TMEM50B: variants seen among roughly 807,000 people sequenced by gnomAD.
TMEM50B encodes the protein HCV p7-trans-regulated protein 3.
Under a neutral mutation model 23.4 loss-of-function variants are expected in TMEM50B, and 14 were observed. That is an observed-to-expected ratio of 0.60 (90% CI 0.39 to 0.93). TMEM50B has a LOEUF of 0.93. TMEM50B is among the 40% of genes least tolerant of loss of function. The pLI, the probability that TMEM50B is intolerant of heterozygous loss-of-function variation, is 0.00. For synonymous variants in TMEM50B, 64 were observed against 62.3 expected, an observed-to-expected ratio of 1.03 and a Z score of -0.13; for missense variants, 159 against 193.0, an observed-to-expected ratio of 0.82 and a Z score of 1.04.
At chr21:33,476,710 G>A (rs1455145190) in intron 1 of TMEM50B, among the ~76,000 whole-genome samples, 16 of 126,910 alleles carry the variant, frequency 1.3e-4, no homozygotes, top group East Asian at 2.7e-4. Flanking sequence ...GCAGTGAGCC[G>A]AGATCGCACC....
intron 6 of TMEM50B, among the ~76,000 whole-genome samples, chr21:33,452,765 C>A (rs774183156): frequency 1.3e-5 from 2 of 152,066 alleles, no homozygotes; most frequent in African/African-American, 2.4e-5. Flanking sequence ...AAATTGTATG[C>A]AAAGCACCAA....
chr21:33,464,819 AAAAAAC>A (rs1269694829), intron 4 of TMEM50B, among the ~76,000 whole-genome samples: 137 of 111,628 alleles, frequency 1.2e-3, no homozygotes, highest in African/African-American at 4.6e-3. Flanking sequence ...AAAAAAAAAA[AAAAAAC>A]AAAAATTGGA....
chr21:33,453,102 G>A lies in TMEM50B; in HGVS notation c.432-2239C>T, dbSNP rs192377609. ...AGAGAGATTAATTTTATTTATTTATGTATTTATTTATTTTGAGATGAAGTC... is the reference window on the plus strand; with the variant it reads ...AGAGAGATTAATTTTATTTATTTATATATTTATTTATTTTGAGATGAAGTC... On this transcript the variant is annotated intron_variant, in intron 6 of 6. Coordinates refer to ENST00000542230, the MANE Select transcript of TMEM50B (RefSeq NM_006134.7). Among the ~76,000 whole-genome samples, 6 of 152,168 alleles carry A rather than the reference G, an allele frequency of 3.9e-5. No homozygotes were observed. The East Asian group carries it at 1.2e-3, about 29-fold the overall frequency.
intron 8 of TMEM50B, among the ~76,000 whole-genome samples, chr21:33,436,655 G>C (rs982662107): frequency 2.6e-5 from 4 of 151,890 alleles, no homozygotes; most frequent in Admixed American, 6.6e-5. Flanking sequence ...CTGGGAAGCA[G>C]AGGTTGCAGT....
chr21:33,467,395 G>T (rs1364524354), intron 2 of TMEM50B, among the ~76,000 whole-genome samples: 3 of 152,150 alleles, frequency 2.0e-5, no homozygotes. Flanking sequence ...AGGCCAACAC[G>T]CGCAAATCAC....
At chr21:33,458,626 G>A (rs1358297919) in intron 5 of TMEM50B, among the ~76,000 whole-genome samples, 1 of 152,166 alleles carries the variant, frequency 6.6e-6, no homozygotes, top group African/African-American at 2.4e-5. Flanking sequence ...CTGCTAATGG[G>A]TATGGCAGTG....
At chr21:33,474,651 T>C (rs570006933) in intron 1 of TMEM50B, among the ~76,000 whole-genome samples, 2 of 143,374 alleles carry the variant, frequency 1.4e-5, no homozygotes, top group East Asian at 4.3e-4. Flanking sequence ...GGTGGATGCC[T>C]GTAATCCCAC....
At chr21:33,457,381 G>A (rs189234430) in intron 5 of TMEM50B, among the ~76,000 whole-genome samples, 9 of 152,188 alleles carry the variant, frequency 5.9e-5, no homozygotes, top group East Asian at 1.9e-4. Context: ...TGGGAGCGGT[G>A]GTTCATGCCT....
At chr21:33,476,505 T>C (rs1477333817) in intron 1 of TMEM50B, among the ~76,000 whole-genome samples, 3 of 152,172 alleles carry the variant, frequency 2.0e-5, no homozygotes, top group African/African-American at 4.8e-5. Context: ...CTCACACCTG[T>C]AATCCCTGCA....
At chr21:33,470,461 G>A (rs2084303948) in intron 1 of TMEM50B, among the ~76,000 whole-genome samples, 2 of 149,766 alleles carry the variant, frequency 1.3e-5, no homozygotes, top group Admixed American at 6.7e-5. Flanking sequence ...GCTAGGCTCG[G>A]TGGCTTACGC....
chr21:33,442,211 G>A (rs1192244990), intron 7 of TMEM50B, among the ~76,000 whole-genome samples: 2 of 152,066 alleles, frequency 1.3e-5, no homozygotes, highest in East Asian at 3.9e-4. Flanking sequence ...AGCAGCTTCC[G>A]GAGATGCAGT....
In TMEM50B at chr21:33,460,531, T is replaced by C. The variant is rs575086771; in HGVS notation, c.281-26A>G. 6 of 1,475,834 alleles carry C rather than the reference T, an allele frequency of 4.1e-6. No homozygotes were observed. The South Asian group carries it at 7.4e-5, about 18-fold the overall frequency. The allele number at this position is 1,475,834 out of a possible 1,614,324, so 91.4% of individuals were successfully genotyped here. A position where few individuals can be genotyped will look rare whatever the true frequency, so the allele number is the denominator to read the frequency against. The stretch of plus-strand genomic sequence containing the variant: ...CTGTGTAGAGAAGAGGCTTTATGAT[T>C]TTGTTCATTTTTGCAGCTCTGTAAC... On this transcript the variant is annotated intron_variant, in intron 4 of 6. Transcript: ENST00000542230.
intron 3 of TMEM50B, among the ~76,000 whole-genome samples, chr21:33,466,342 A>T (rs1010838149): frequency 5.9e-5 from 9 of 152,246 alleles, no homozygotes; most frequent in South Asian, 2.1e-4. Flanking sequence ...AAAGACATCC[A>T]TAAAAAGCTT....
intron 2 of TMEM50B, among the ~76,000 whole-genome samples, chr21:33,468,135 T>G (rs2084281473): frequency 7.0e-6 from 1 of 142,720 alleles, no homozygotes; most frequent in Non-Finnish European, 1.6e-5. Flanking sequence ...GTCCTGATTT[T>G]GGGGTGTTTT....
intron 1 of TMEM50B, 48 bp from the exon 2 acceptor site, chr21:33,468,974 A>G: frequency 9.8e-7 from 1 of 1,023,742 alleles, no homozygotes; most frequent in Non-Finnish European, 1.5e-6. Context: ...AATGTTTTCT[A>G]AAAGTAAAAT....
At position 33,450,823 on chromosome 21, in the gene TMEM50B, T is replaced by C; in HGVS notation, c.472A>G (p.Thr158Ala). 5 of 1,612,944 alleles carry C rather than the reference T, an allele frequency of 3.1e-6. No individual in the cohort carries two copies. The highest frequency in any genetic ancestry group is 4.2e-6 in the Non-Finnish European group (5 of 1,179,472). The change falls in exon 7 of 7, where the codon ACC (threonine) becomes GCC (alanine). Residue 158 changes from threonine to alanine, a missense_variant. Physicochemically the swap from Thr to Ala is moderately conservative, Grantham distance 58 (BLOSUM62 0). Coordinates refer to ENST00000542230, the MANE Select transcript of TMEM50B (RefSeq NM_006134.7). ...ATGTGACTTAAGAAGTGATCTCAGGTCCATAGCTCTTCGGTTCTTCCAAAT... is the reference window on the plus strand; with the variant it reads ...ATGTGACTTAAGAAGTGATCTCAGGCCCATAGCTCTTCGGTTCTTCCAAAT... ...YKFGRTEELWT is the reference protein window; with the variant it reads ...YKFGRTEELWA
intron 7 of TMEM50B, among the ~76,000 whole-genome samples, chr21:33,442,766 C>T (rs1029912286): frequency 6.6e-6 from 1 of 151,998 alleles, no homozygotes; most frequent in African/African-American, 2.4e-5. Flanking sequence ...ACTAAAAATA[C>T]AAAAATTAGC....
At chr21:33,440,806 T>TGGGAGGCAGAGGTTGCA (rs1171423100) in intron 7 of TMEM50B, among the ~76,000 whole-genome samples, 2 of 149,950 alleles carry the variant, frequency 1.3e-5, no homozygotes, top group Non-Finnish European at 3.0e-5. Context: ...CACTTGAACC[T>TGGGAGGCAGAGGTTGCA]GGGAGGCAGA....
At chr21:33,432,867 A>G in intron 8 of TMEM50B, 1 of 1,612,500 alleles carries the variant, frequency 6.2e-7, no homozygotes. Context: ...TTACAGATAG[A>G]AGAGGTACGT....
Sources: allele counts gnomAD v4.1 joint callset (sites outside exome capture counted in the v4.1 genomes callset), GRCh38; gene constraint gnomAD v4.1.1; transcripts MANE v1.5; gene names NCBI Gene and HGNC (gene_info 2026-07-23, HGNC 2026-07-21).